Variants in PSD3 observed in about 807,000 individuals in gnomAD.
The protein encoded by PSD3 is pleckstrin and Sec7 domain containing 3.
In PSD3, 49 loss-of-function variants were observed where a neutral mutation model predicts 105.5. The ratio of observed to expected loss-of-function variants is 0.46; its 90% CI spans 0.37 to 0.59. The LOEUF is 0.59. PSD3 is among the 20% of genes least tolerant of loss of function. The probability of loss-of-function intolerance (pLI) is 0.00; values close to 1 mark genes in which losing one functional copy is unlikely to be tolerated. For synonymous variants in PSD3, 557 were observed against 457.8 expected (o/e 1.22, Z -2.77); for missense variants, 1,561 against 1,263.8 (o/e 1.24, Z -3.57).
chr8:19,075,835 T>G (rs553141981), intron 1 of PSD3, among the ~76,000 whole-genome samples: 50 of 152,360 alleles, frequency 3.3e-4, no homozygotes, highest in African/African-American at 1.2e-3. Context: ...AAAAGAATCT[T>G]CTGTTGTATG....
At chr8:18,977,237 G>T (rs1455394489) in intron 1 of PSD3, among the ~76,000 whole-genome samples, 2 of 132,456 alleles carry the variant, frequency 1.5e-5, no homozygotes, top group Non-Finnish European at 3.1e-5. Context: ...TCTAGCCTGG[G>T]CAACAGAACA....
intron 12 of PSD3, among the ~76,000 whole-genome samples, chr8:18,591,105 G>A (rs1047489671): frequency 6.6e-6 from 1 of 152,102 alleles, no homozygotes; most frequent in East Asian, 1.9e-4. Context: ...CCAAAATCCA[G>A]TGAAGAGGTT....
chr8:19,036,575 A>T (rs1240637401), intron 1 of PSD3, among the ~76,000 whole-genome samples: 6 of 152,194 alleles, frequency 3.9e-5, no homozygotes, highest in Admixed American at 2.0e-4. Context: ...TAAGCAAACC[A>T]GTTGAGCTCA....
At chr8:18,659,104 A>C (rs575669943) in intron 9 of PSD3, among the ~76,000 whole-genome samples, 1 of 152,142 alleles carries the variant, frequency 6.6e-6, no homozygotes, top group Non-Finnish European at 1.5e-5. Context: ...TCTGAAGCCA[A>C]GGGGACTAGG....
In PSD3 at chr8:18,572,528, C is replaced by A; in HGVS notation, c.2784G>T (p.Gln928His). 6.2e-7 allele frequency: 1 copy of A among 1,613,426 alleles called. No individual in the cohort carries two copies. The highest frequency in any genetic ancestry group is 2.2e-5 in the East Asian group (1 of 44,878). ...LLPATTTKLSQEEQLKSHESK... is the reference protein window; with the variant it reads ...LLPATTTKLSHEEQLKSHESK... ...GTCAAAGCACTATCAAGATGATTACCTGAGACAGTTTTGTTGTAGTGGCAG... is the reference window on the plus strand; with the variant it reads ...GTCAAAGCACTATCAAGATGATTACATGAGACAGTTTTGTTGTAGTGGCAG... Residue 928 changes from glutamine to histidine, a missense_variant and splice_region_variant, in exon 14 of 16, where the codon CAG (glutamine) becomes CAT (histidine). Coordinates refer to ENST00000327040, the MANE Select transcript of PSD3 (RefSeq NM_015310.4).
At chr8:18,605,408 G>T (rs970973314) in intron 11 of PSD3, among the ~76,000 whole-genome samples, 2 of 151,950 alleles carry the variant, frequency 1.3e-5, no homozygotes, top group African/African-American at 4.8e-5. Context: ...CTTTTGGAAT[G>T]GGAATATTTT....
At chr8:19,060,881 G>A (rs186785940) in intron 1 of PSD3, among the ~76,000 whole-genome samples, 60 of 152,302 alleles carry the variant, frequency 3.9e-4, no homozygotes, top group Admixed American at 2.5e-3. Context: ...TGGCTTTGAC[G>A]GTGCCCATCC....
intron 11 of PSD3, among the ~76,000 whole-genome samples, chr8:18,601,354 TAGAC>T (rs1422851999): frequency 3.4e-5 from 5 of 146,260 alleles, no homozygotes; most frequent in African/African-American, 1.2e-4. Context: ...TCTGCTGAAA[TAGAC>T]AGGGAGAGCC....
At chr8:19,047,211 C>G (rs1319760503) in intron 1 of PSD3, among the ~76,000 whole-genome samples, 1 of 152,168 alleles carries the variant, frequency 6.6e-6, no homozygotes, top group Non-Finnish European at 1.5e-5. Flanking sequence ...TGATAAAACG[C>G]ACTCCTGATT....
intron 12 of PSD3, among the ~76,000 whole-genome samples, chr8:18,580,903 C>T (rs921502042): frequency 5.3e-5 from 8 of 152,174 alleles, no homozygotes; most frequent in Admixed American, 2.0e-4. Context: ...CTACACCCGT[C>T]GCTCTTAACC....
intron 9 of PSD3, among the ~76,000 whole-genome samples, chr8:18,696,326 T>A (rs1801259754): frequency 6.6e-6 from 1 of 152,240 alleles, no homozygotes; most frequent in Admixed American, 6.5e-5. Context: ...TTAATACGTA[T>A]GACAAACACT....
At position 18,531,612 on chromosome 8, in the gene PSD3, G is replaced by A. The variant is rs1045891310; in HGVS notation, c.*4131C>T. 2.0e-5 allele frequency: 3 copies of A among 152,324 alleles called. No homozygotes were observed. Among genetic ancestry groups the A allele is most frequent in the Non-Finnish European group, 4.4e-5 (3 of 68,104 alleles). 9.4% of individuals were successfully genotyped at this position (152,324 alleles called of 1,614,324 possible). On this transcript the variant is annotated 3_prime_UTR_variant, in exon 16 of 16. Coordinates refer to ENST00000327040, the MANE Select transcript of PSD3 (RefSeq NM_015310.4). ...GCCTGGGAGACAAGATGGCCAGAAAGCTGTGGAGCAAGGTAGGAGGCCCAG... is the reference window on the plus strand; with the variant it reads ...GCCTGGGAGACAAGATGGCCAGAAAACTGTGGAGCAAGGTAGGAGGCCCAG...
intron 15 of PSD3, among the ~76,000 whole-genome samples, chr8:18,543,081 A>G (rs1800240703): frequency 6.6e-6 from 1 of 152,184 alleles, no homozygotes; most frequent in Non-Finnish European, 1.5e-5. Flanking sequence ...CTCTGCTGAC[A>G]AGAATCTACA....
chr8:18,707,388 A>T (rs998907344), intron 9 of PSD3, among the ~76,000 whole-genome samples: 3 of 152,212 alleles, frequency 2.0e-5, no homozygotes, highest in African/African-American at 7.2e-5. Context: ...AGTGTTCATG[A>T]AATTGATTTC....
intron 1 of PSD3, among the ~76,000 whole-genome samples, chr8:19,059,809 C>G (rs1252220173): frequency 6.6e-6 from 1 of 152,186 alleles, no homozygotes; most frequent in Non-Finnish European, 1.5e-5. Context: ...GCTTTTTTCC[C>G]AACCTGCCAG....
chr8:19,032,483 T>A (rs1267828840), intron 1 of PSD3, among the ~76,000 whole-genome samples: 1 of 151,890 alleles, frequency 6.6e-6, no homozygotes, highest in African/African-American at 2.4e-5. Flanking sequence ...ACCCCATCTC[T>A]ACAGAAAATA....
In PSD3 at chr8:18,871,612, C is replaced by T. The variant is rs199861668; in HGVS notation, c.1238+14G>A. The T allele has an allele frequency of 8.7e-4, 1,381 of 1,583,830 alleles. 1 individual carries two copies. Among genetic ancestry groups the T allele is most frequent in the Non-Finnish European group, 1.1e-3 (1,327 of 1,166,366 alleles). The stretch of plus-strand genomic sequence containing the variant: ...CCAGGCATCTGAGACAGCAGGGCTA[C>T]TATGGGAGCTCACCTTTCCCTGTCT... On this transcript the variant is annotated intron_variant, in intron 3 of 15. Transcript: ENST00000327040.
intron 9 of PSD3, chr8:18,683,879 T>C (rs1800513817): frequency 1.3e-6 from 1 of 765,288 alleles, no homozygotes; most frequent in South Asian, 1.3e-5. Flanking sequence ...TCACGGAACC[T>C]GAGGTCCTCA....
chr8:18,952,907 G>A (rs573413792), intron 1 of PSD3, among the ~76,000 whole-genome samples: 2 of 152,228 alleles, frequency 1.3e-5, no homozygotes, highest in Admixed American at 6.5e-5. Context: ...ACCACCACAG[G>A]TCTGACAGTA....
Sources: allele counts gnomAD v4.1 joint callset (sites outside exome capture counted in the v4.1 genomes callset), GRCh38; gene constraint gnomAD v4.1.1; transcripts MANE v1.5; gene names NCBI Gene and HGNC (gene_info 2026-07-23, HGNC 2026-07-21).